The following FAM219A variants were observed in gnomAD, a reference collection of about 807,000 sequenced individuals.
FAM219A encodes the protein protein FAM219A.
A neutral mutation model predicts 23.4 loss-of-function variants in FAM219A; 7 were observed. The observed-to-expected ratio is 0.30, with a 90% CI of 0.17 to 0.56. FAM219A has a LOEUF of 0.56. Among genes scored for constraint, FAM219A ranks in the 20% least tolerant of loss-of-function variants. The pLI, the probability that FAM219A is intolerant of heterozygous loss-of-function variation, is 0.92. For synonymous variants in FAM219A, 93 were observed against 99.0 expected (o/e 0.94, Z 0.36); for missense variants, 166 against 246.9 (o/e 0.67, Z 2.20).
intron 1 of FAM219A, among the ~76,000 whole-genome samples, chr9:34,419,217 G>A (rs1453008352): frequency 6.6e-6 from 1 of 152,052 alleles, no homozygotes; most frequent in Non-Finnish European, 1.5e-5. Context: ...GGTGTGTGGT[G>A]GGCAGTGGGG....
At chr9:34,416,809 T>TG (rs1554677003) in intron 1 of FAM219A, among the ~76,000 whole-genome samples, 3,539 of 42,092 alleles carry the variant, frequency 0.084, 106 homozygotes, top group East Asian at 0.23. Flanking sequence ...CAGCTCTCCA[T>TG]TTTTTTTTTT....
intron 1 of FAM219A, among the ~76,000 whole-genome samples, chr9:34,445,893 G>C (rs765178009): frequency 6.6e-5 from 10 of 152,156 alleles, no homozygotes; most frequent in Middle Eastern, 3.2e-3. Flanking sequence ...ATTAAAGATA[G>C]GCTGGGTGCA....
chr9:34,448,992 C>CG (rs199975678), intron 1 of FAM219A, among the ~76,000 whole-genome samples: 1 of 92,144 alleles, frequency 1.1e-5, no homozygotes, highest in Non-Finnish European at 2.0e-5. Context: ...CAAAAACTAT[C>CG]GGAAAAAAAA....
At chr9:34,401,467 C>T (rs911028565) in intron 5 of FAM219A, among the ~76,000 whole-genome samples, 199 bp downstream of exon 5, 1 of 152,242 alleles carries the variant, frequency 6.6e-6, no homozygotes, top group Admixed American at 6.5e-5. Flanking sequence ...TAAAGCCCCA[C>T]TCCTAACCCT....
At chr9:34,411,231 A>T (rs538901117) in intron 1 of FAM219A, among the ~76,000 whole-genome samples, 18 of 152,260 alleles carry the variant, frequency 1.2e-4, no homozygotes, top group Admixed American at 1.0e-3. Context: ...TTATTTAATG[A>T]TGATAGGGCT....
At chr9:34,409,220 C>T (rs1486201348) in intron 1 of FAM219A, among the ~76,000 whole-genome samples, 3 of 152,268 alleles carry the variant, frequency 2.0e-5, no homozygotes, top group Admixed American at 6.5e-5. Context: ...GTGGCAAGCA[C>T]AAAGATCTCT....
chr9:34,411,170 G>C (rs1821806134), intron 1 of FAM219A, among the ~76,000 whole-genome samples: 1 of 151,944 alleles, frequency 6.6e-6, no homozygotes, highest in Admixed American at 6.6e-5. Flanking sequence ...CTGACCACAG[G>C]GCACCCTGTT....
At chr9:34,443,390 G>T (rs930503225) in intron 1 of FAM219A, among the ~76,000 whole-genome samples, 1 of 152,102 alleles carries the variant, frequency 6.6e-6, no homozygotes, top group Non-Finnish European at 1.5e-5. Flanking sequence ...TGAAAGCACA[G>T]AGCAGGTCCT....
At chr9:34,415,197 C>G (rs1821958003) in intron 1 of FAM219A, among the ~76,000 whole-genome samples, 1 of 151,982 alleles carries the variant, frequency 6.6e-6, no homozygotes, top group South Asian at 2.1e-4. Flanking sequence ...CCACACACCA[C>G]ACTTCTGCAG....
intron 1 of FAM219A, among the ~76,000 whole-genome samples, chr9:34,448,342 C>T (rs559409227): frequency 1.3e-5 from 2 of 152,286 alleles, no homozygotes; most frequent in East Asian, 3.9e-4. Flanking sequence ...AACTGTTGTT[C>T]CCCCTGCTGA....
chr9:34,398,755 T>G lies in FAM219A; in HGVS notation c.*2209A>C. The G allele has an allele frequency of 3.2e-5, 4 of 126,800 alleles. No homozygotes were observed. The highest frequency in any genetic ancestry group is 2.0e-4 in the South Asian group (1 of 5,080). 7.9% of individuals were successfully genotyped at this position (126,800 alleles called of 1,614,324 possible). On this transcript the variant is annotated 3_prime_UTR_variant, in exon 6 of 6. Coordinates refer to ENST00000651358, the MANE Select transcript of FAM219A (RefSeq NM_001184940.2). Reference sequence around the variant, plus strand: ...AGCCCCGGGGTGGTGGTGGTGGTAGTGGGAGGGCTGGCTCTGGGGTCCAGA... The same window carrying G: ...AGCCCCGGGGTGGTGGTGGTGGTAGGGGGAGGGCTGGCTCTGGGGTCCAGA...
chr9:34,423,560 A>G (rs1822355249), intron 1 of FAM219A, among the ~76,000 whole-genome samples: 2 of 152,204 alleles, frequency 1.3e-5, no homozygotes, highest in Admixed American at 6.5e-5. Flanking sequence ...AGGGCTTTGT[A>G]AGATATGTTC....
rs575660489 is a variant in FAM219A, at chr9:34,406,390, T to C, written c.61-426A>G. On this transcript the variant is annotated intron_variant, in intron 1 of 5. Coordinates refer to ENST00000651358, the MANE Select transcript of FAM219A (RefSeq NM_001184940.2). The stretch of plus-strand genomic sequence containing the variant: ...TGGGTTAAGGGGAGAGCAGGTGCTG[T>C]CTGAGATGGGTCTTCTCCCTCTGTT... The C allele has an allele frequency of 2.7e-5, 27 of 985,392 alleles. No individual in the cohort carries two copies. In the East Asian group the frequency reaches 2.8e-3, roughly 104 times the overall value. 61.0% of individuals were successfully genotyped at this position (985,392 alleles called of 1,614,324 possible). A position where few individuals can be genotyped will look rare whatever the true frequency, so the allele number is the denominator to read the frequency against.
At chr9:34,435,378 A>G (rs1226834137) in intron 1 of FAM219A, among the ~76,000 whole-genome samples, 2 of 152,200 alleles carry the variant, frequency 1.3e-5, no homozygotes, top group Non-Finnish European at 2.9e-5. Flanking sequence ...TCACCTGGGA[A>G]AAAATGATAG....
At chr9:34,415,468 G>T (rs1821967204) in intron 1 of FAM219A, among the ~76,000 whole-genome samples, 1 of 152,226 alleles carries the variant, frequency 6.6e-6, no homozygotes, top group Non-Finnish European at 1.5e-5. Flanking sequence ...CTGTAGCTAT[G>T]AAAAGTTTTA....
chr9:34,420,791 AC>A (rs1240991800), intron 1 of FAM219A, among the ~76,000 whole-genome samples: 2 of 151,988 alleles, frequency 1.3e-5, no homozygotes, highest in East Asian at 3.9e-4. Flanking sequence ...AGTCTGGGCA[AC>A]AAAGTGAGAC....
At chr9:34,456,886 C>G (rs10972125) in intron 1 of FAM219A, among the ~76,000 whole-genome samples, 13 of 152,140 alleles carry the variant, frequency 8.5e-5, no homozygotes, top group Non-Finnish European at 1.5e-4. Flanking sequence ...TTCTCTCTAC[C>G]ATCCCTCAAA....
At chr9:34,413,611 T>C (rs1411054073) in intron 1 of FAM219A, among the ~76,000 whole-genome samples, 1 of 152,212 alleles carries the variant, frequency 6.6e-6, no homozygotes, top group Non-Finnish European at 1.5e-5. Context: ...AAAGCGCTCA[T>C]ACCAATACTA....
intron 1 of FAM219A, among the ~76,000 whole-genome samples, chr9:34,423,574 G>A (rs998093537): frequency 1.3e-5 from 2 of 152,186 alleles, no homozygotes; most frequent in Non-Finnish European, 2.9e-5. Flanking sequence ...TATGTTCAGG[G>A]TTTTGGACTT....
Sources: allele counts gnomAD v4.1 joint callset (sites outside exome capture counted in the v4.1 genomes callset), GRCh38; gene constraint gnomAD v4.1.1; transcripts MANE v1.5; gene names NCBI Gene and HGNC (gene_info 2026-07-23, HGNC 2026-07-21).